The following PRICKLE1 variants were observed in gnomAD, a reference collection of about 807,000 sequenced individuals.
The protein encoded by PRICKLE1 is prickle planar cell polarity protein 1.
In PRICKLE1, 14 loss-of-function variants were observed where a neutral mutation model predicts 70.2. The ratio of observed to expected loss-of-function variants is 0.20; its 90% CI spans 0.13 to 0.31. PRICKLE1 has a LOEUF of 0.31. Ranked by LOEUF, PRICKLE1 falls within the 10% of genes least tolerant of loss-of-function variation. The pLI is 1.00. For synonymous variants in PRICKLE1, 357 were observed against 379.9 expected (o/e 0.94, Z 0.70); for missense variants, 821 against 1,026.2 (o/e 0.80, Z 2.73).
At chr12:42,514,899 A>ATCTG (rs773702348) in intron 1 of PRICKLE1, among the ~76,000 whole-genome samples, 25 of 87,504 alleles carry the variant, frequency 2.9e-4, no homozygotes, top group Admixed American at 5.3e-4. Context: ...CTATCTATCT[A>ATCTG]TCTATCTATC....
intron 1 of PRICKLE1, among the ~76,000 whole-genome samples, chr12:42,530,186 C>T (rs138890965): frequency 0.025 from 3,875 of 152,146 alleles, 74 homozygotes; most frequent in Middle Eastern, 0.041. Flanking sequence ...TCAAGTGATC[C>T]GCCTGCCTCG....
chr12:42,519,425 A>G (rs1939669533), intron 1 of PRICKLE1, among the ~76,000 whole-genome samples: 1 of 151,500 alleles, frequency 6.6e-6, no homozygotes, highest in South Asian at 2.1e-4. Context: ...CAAACTCCTA[A>G]CCTCAGGGGA....
At position 42,464,662 on chromosome 12, in the gene PRICKLE1, T is replaced by G; in HGVS notation, c.1372A>C (p.Asn458His). Residue 458 changes from asparagine to histidine, a missense_variant, in exon 7 of 8, where the codon AAT becomes CAT. Physicochemically the swap from Asn to His is moderately conservative, Grantham distance 68. Transcript: ENST00000345127. This position sits in a 1 kb window ranked among gnomAD's most constrained non-coding sequence, Gnocchi z 4.2. ...MVKSKTELKQ[N>H]NQSLASKKYQ... ...TTTTTACTTGCAAGGCTCTGGTTAT[T>G]TTGCTTTAACTCGGTCTTACTTTTA... The G allele has an allele frequency of 6.2e-7, 1 of 1,614,048 alleles. No individual in the cohort carries two copies. Among genetic ancestry groups the G allele is most frequent in the African/African-American group, 1.3e-5 (1 of 75,010 alleles).
chr12:42,548,946 C>T (rs1394613020), intron 1 of PRICKLE1, among the ~76,000 whole-genome samples: 1 of 144,668 alleles, frequency 6.9e-6, no homozygotes, highest in Non-Finnish European at 1.5e-5. Flanking sequence ...CGTGGTGAAA[C>T]CCTGTCTCTA....
intron 1 of PRICKLE1, among the ~76,000 whole-genome samples, chr12:42,498,790 CAT>C (rs1441401604): frequency 1.3e-5 from 2 of 152,154 alleles, no homozygotes; most frequent in Non-Finnish European, 2.9e-5. Flanking sequence ...AGTTTCCACC[CAT>C]ATGTTTCATT....
chr12:42,482,586 CTT>C (rs1233110394), intron 1 of PRICKLE1, among the ~76,000 whole-genome samples: 1 of 152,356 alleles, frequency 6.6e-6, no homozygotes, highest in East Asian at 1.9e-4. Flanking sequence ...CAACACTCCT[CTT>C]TGTGAAACTT....
chr12:42,555,872 T>G (rs1940405712), intron 1 of PRICKLE1, among the ~76,000 whole-genome samples: 1 of 152,198 alleles, frequency 6.6e-6, no homozygotes, highest in Non-Finnish European at 1.5e-5. Flanking sequence ...CTAACCCAAG[T>G]GCATATAAAC....
chr12:42,466,041 A>G lies in PRICKLE1; in HGVS notation c.775+153T>C, dbSNP rs1440055116. 3 of 816,958 alleles carry G rather than the reference A, an allele frequency of 3.7e-6. No homozygotes were observed. In the African/African-American group the frequency reaches 5.1e-5, roughly 14 times the overall value. 50.6% of individuals were successfully genotyped at this position (816,958 alleles called of 1,614,324 possible). Reference sequence around the variant, plus strand: ...AATCAACTCTCTGTTCATTTGTCAAAGCTCATCAGCTGGAACATTTAAGAT... The same window carrying G: ...AATCAACTCTCTGTTCATTTGTCAAGGCTCATCAGCTGGAACATTTAAGAT... On this transcript the variant is annotated intron_variant, in intron 6 of 7. Coordinates refer to ENST00000345127, the MANE Select transcript of PRICKLE1 (RefSeq NM_153026.3).
chr12:42,507,589 A>T (rs1413598729), intron 1 of PRICKLE1, among the ~76,000 whole-genome samples: 44 of 152,192 alleles, frequency 2.9e-4, no homozygotes, highest in Admixed American at 2.9e-3. Context: ...ATATGGAAGA[A>T]CTTTTTTTTG....
chr12:42,492,430 AC>A (rs1294064227), intron 1 of PRICKLE1, among the ~76,000 whole-genome samples: 1 of 152,244 alleles, frequency 6.6e-6, no homozygotes, highest in Non-Finnish European at 1.5e-5. Context: ...TAACACTGTT[AC>A]CATGTGCTAT....
intron 1 of PRICKLE1, among the ~76,000 whole-genome samples, chr12:42,587,603 C>T (rs1480782798): frequency 6.6e-6 from 1 of 152,208 alleles, no homozygotes; most frequent in Non-Finnish European, 1.5e-5. Context: ...CCTGACTCGC[C>T]AGTTGATGGC....
At chr12:42,524,612 A>T (rs1221289538) in intron 1 of PRICKLE1, 1 of 151,900 alleles carries the variant, frequency 6.6e-6, no homozygotes, top group East Asian at 1.9e-4. Flanking sequence ...GGGGTTCACC[A>T]TCTTGGCCAG....
In PRICKLE1 at chr12:42,472,406, G is replaced by A. The variant is rs1282054264; in HGVS notation, c.111C>T (p.Pro37=). 6 of 1,614,090 alleles carry A rather than the reference G, an allele frequency of 3.7e-6. No homozygotes were observed. Among genetic ancestry groups the A allele is most frequent in the Non-Finnish European group, 2.5e-6 (3 of 1,180,022 alleles). The change falls in exon 2 of 8, where the codon CCC becomes CCT. Residue 37 remains proline (P), a synonymous_variant. Transcript: ENST00000345127. The part of the protein sequence containing the change: ...GCALEEYAWV[P]PGLRPEQIQL... ...CTACCTGCTCTGGTCTCAGGCCCGG[G>A]GGGACCCAGGCGTACTCCTCCAATG...
intron 1 of PRICKLE1, among the ~76,000 whole-genome samples, chr12:42,530,240 G>A (rs939043241): frequency 1.1e-4 from 16 of 151,958 alleles, no homozygotes; most frequent in South Asian, 4.1e-4. Context: ...CACTGCGCCC[G>A]GCCTATAAGG....
chr12:42,463,929 A>C (rs1350392655), intron 7 of PRICKLE1, among the ~76,000 whole-genome samples: 2 of 152,100 alleles, frequency 1.3e-5, no homozygotes, highest in Admixed American at 6.5e-5. Context: ...CTCACCTCAC[A>C]CATGTGTTTG....
intron 1 of PRICKLE1, among the ~76,000 whole-genome samples, chr12:42,545,261 C>T (rs1341989675): frequency 6.6e-6 from 1 of 152,104 alleles, no homozygotes; most frequent in Non-Finnish European, 1.5e-5. Flanking sequence ...AGCTTCTTCC[C>T]CTCAAAGTGC....
At chr12:42,497,509 A>G (rs1939227779) in intron 1 of PRICKLE1, among the ~76,000 whole-genome samples, 1 of 145,982 alleles carries the variant, frequency 6.9e-6, no homozygotes. Flanking sequence ...AGATCGTGCC[A>G]CTGCACTCCA....
intron 1 of PRICKLE1, among the ~76,000 whole-genome samples, chr12:42,578,340 A>G (rs1444802412): frequency 6.6e-6 from 1 of 152,266 alleles, no homozygotes; most frequent in Non-Finnish European, 1.5e-5. Flanking sequence ...ATGTTTTAAC[A>G]TACATGGCAA....
chr12:42,575,217 G>C (rs1010424247), intron 1 of PRICKLE1, among the ~76,000 whole-genome samples: 2 of 152,020 alleles, frequency 1.3e-5, no homozygotes, highest in African/African-American at 4.8e-5. Context: ...AGGTTGGCCA[G>C]GTAAATGCCA....
Sources: gnomAD v4.1 joint callset for allele counts (sites outside exome capture counted in the v4.1 genomes callset) on GRCh38, gnomAD v4.1.1 for gene constraint, Gnocchi (gnomAD v3.1) non-coding constraint, MANE v1.5 for transcripts, NCBI Gene and HGNC (gene_info 2026-07-23, HGNC 2026-07-21) for gene names.